The following ZNF649 variants were observed in gnomAD, a reference collection of about 807,000 sequenced individuals.
The protein encoded by ZNF649 is zinc finger protein 649.
A neutral mutation model predicts 14.1 loss-of-function variants in ZNF649; 7 were observed. The ratio of observed to expected loss-of-function variants is 0.49; its 90% CI spans 0.28 to 0.93. The LOEUF (loss-of-function observed/expected upper bound fraction) is 0.93, where lower values mean the gene tolerates loss of function less well. Among genes scored for constraint, ZNF649 ranks in the 40% least tolerant of loss-of-function variants. ZNF649 has a pLI of 0.10. For synonymous variants in ZNF649, 227 were observed against 212.3 expected (o/e 1.07, Z -0.60); for missense variants, 544 against 608.1 (o/e 0.89, Z 1.11).
chr19:51,891,107 C>T lies in ZNF649; in HGVS notation c.1029G>A (p.Glu343=). 1 of 1,614,178 alleles carries T rather than the reference C, an allele frequency of 6.2e-7. No homozygotes were observed. The highest frequency in any genetic ancestry group is 8.5e-7 in the Non-Finnish European group (1 of 1,180,008). The change falls in exon 5 of 5, where the codon GAG becomes GAA. Residue 343 remains glutamate (E), a synonymous_variant. Coordinates refer to ENST00000354957, the MANE Select transcript of ZNF649 (RefSeq NM_023074.4). This position sits in a 1 kb window ranked among gnomAD's most constrained non-coding sequence, Gnocchi z 4.2. The stretch of plus-strand genomic sequence containing the variant: ...CACAGTCAATGCATCCATAAGGTTT[C>T]TCTCCAGTGTGAGTTCGTTGATGTA... ...LNIHQRTHTG[E]KPYGCIDCGK...
rs531846107 is a variant in ZNF649, at chr19:51,894,454, G to A, written c.238+2018C>T. On this transcript the variant is annotated intron_variant, in intron 4 of 4. Transcript: ENST00000354957. ...CGGCCTTCAGGCTAATCTTCTGACA[G>A]TCCCCACATGGCCTTGCATTTCCAG... 1.7e-4 allele frequency among the ~76,000 whole-genome samples: 26 copies of A among 152,204 alleles called. No individual in the cohort carries two copies. The South Asian group carries it at 4.6e-3, about 27-fold the overall frequency.
intron 4 of ZNF649, among the ~76,000 whole-genome samples, chr19:51,893,239 G>T (rs2085036329): frequency 6.6e-6 from 1 of 152,142 alleles, no homozygotes; most frequent in Non-Finnish European, 1.5e-5. Context: ...ACTCCAAAAT[G>T]AAAGTGGATT....
In ZNF649 at chr19:51,890,479, A is replaced by T. The variant is rs914871728; in HGVS notation, c.*139T>A. 2.6e-5 allele frequency: 16 copies of T among 606,590 alleles called. No individual in the cohort carries two copies. Among genetic ancestry groups the T allele is most frequent in the Admixed American group, 6.2e-5 (2 of 32,476 alleles). 37.6% of individuals were successfully genotyped at this position (606,590 alleles called of 1,614,324 possible). A position where few individuals can be genotyped will look rare whatever the true frequency, so the allele number is the denominator to read the frequency against. On this transcript the variant is annotated 3_prime_UTR_variant, in exon 5 of 5. Coordinates refer to ENST00000354957, the MANE Select transcript of ZNF649 (RefSeq NM_023074.4). ...TATTGTGGGAGGGGTAGTGAGGTTT[A>T]TAAGATATAAAAAAGTAAAATATAT...
intron 1 of ZNF649, among the ~76,000 whole-genome samples, chr19:51,902,680 T>C (rs2085101245): frequency 1.3e-5 from 2 of 148,690 alleles, no homozygotes; most frequent in Admixed American, 6.6e-5. Context: ...ATCATCTGAA[T>C]CATCAGAATT....
chr19:51,896,418 G>T lies in ZNF649; in HGVS notation c.238+54C>A. ...CACAACTGTCATGCCTTCTCTAAATGACCAGAATGTGACTTCCGCTGCCTT... is the reference window on the plus strand; with the variant it reads ...CACAACTGTCATGCCTTCTCTAAATTACCAGAATGTGACTTCCGCTGCCTT... On this transcript the variant is annotated intron_variant, in intron 4 of 4. Coordinates refer to ENST00000354957, the MANE Select transcript of ZNF649 (RefSeq NM_023074.4). 4.0e-6 allele frequency: 6 copies of T among 1,507,338 alleles called. No individual in the cohort carries two copies. In the South Asian group the frequency reaches 5.6e-5, roughly 14 times the overall value. The allele number at this position is 1,507,338 out of a possible 1,614,324, so 93.4% of individuals were successfully genotyped here.
Position 51,890,947 on chromosome 19 carries a change from A to C in ZNF649, c.1189T>G (p.Ser397Ala). The C allele has an allele frequency of 1.9e-6, 3 of 1,611,754 alleles. No individual in the cohort carries two copies. In the South Asian group the frequency reaches 3.3e-5, roughly 18 times the overall value. Residue 397 changes from serine (S) to alanine (A), a missense_variant, in exon 5 of 5, where the codon TCA becomes GCA. Transcript: ENST00000354957. ...CTGCATTTATAGGGTTTCTCTCCTG[A>C]GTGAATTTTCTGATGTCTAATGAGT... ...SGLIRHQKIHSGEKPYKCSDC... is the reference protein window; with the variant it reads ...SGLIRHQKIHAGEKPYKCSDC...
At chr19:51,904,639 C>T (rs371731603) in intron 1 of ZNF649, among the ~76,000 whole-genome samples, 10 of 151,916 alleles carry the variant, frequency 6.6e-5, no homozygotes, top group Admixed American at 6.6e-4. Flanking sequence ...GGTGATAAAG[C>T]CGGCGTGCTG....
chr19:51,896,319 C>A, intron 4 of ZNF649, 153 bp downstream of exon 4: 1 of 621,722 alleles, frequency 1.6e-6, no homozygotes, highest in East Asian at 2.8e-5. Context: ...CTCTGAATTC[C>A]TATAAGAAAA....
At chr19:51,904,544 C>T (rs2085112432) in intron 1 of ZNF649, among the ~76,000 whole-genome samples, 1 of 152,154 alleles carries the variant, frequency 6.6e-6, no homozygotes. Context: ...CCAAAACCTA[C>T]ACCACACACC....
At position 51,889,819 on chromosome 19, in the gene ZNF649, G is replaced by C. The variant is rs1204827554; in HGVS notation, c.*799C>G. 6.6e-6 allele frequency: 1 copy of C among 152,178 alleles called. No homozygotes were observed. The highest frequency in any genetic ancestry group is 2.4e-5 in the African/African-American group (1 of 41,440). The allele number at this position is 152,178 out of a possible 1,614,324, so 9.4% of individuals were successfully genotyped here. ...ACTCTAAGGGAAAGCAGAAAAAGAAGAAAAGGAGAACAAAGAAGACATAGA... is the reference window on the plus strand; with the variant it reads ...ACTCTAAGGGAAAGCAGAAAAAGAACAAAAGGAGAACAAAGAAGACATAGA... On this transcript the variant is annotated 3_prime_UTR_variant, in exon 5 of 5. Transcript: ENST00000354957.
At chr19:51,898,544 A>AC (rs779946776) in intron 2 of ZNF649, among the ~76,000 whole-genome samples, 177 of 151,176 alleles carry the variant, frequency 1.2e-3, no homozygotes, top group Non-Finnish European at 2.2e-3. Flanking sequence ...CCCTTCCCCC[A>AC]CCCCCCACTT....
At chr19:51,902,519 T>C (rs1474438105) in intron 1 of ZNF649, among the ~76,000 whole-genome samples, 1 of 152,270 alleles carries the variant, frequency 6.6e-6, no homozygotes, top group African/African-American at 2.4e-5. Context: ...ACTCTTTTCC[T>C]GTCTAGAAAA....
At position 51,891,182 on chromosome 19, in the gene ZNF649, A is replaced by G. The variant is rs1211277148; in HGVS notation, c.954T>C (p.His318=). The stretch of plus-strand genomic sequence containing the variant: ...AGCCTTTTCCACATTCACTGCATGT[A>G]TGAGGCTTCTCTCCTGTATGAGTTC... ...HQRTHTGEKP[H]TCSECGKGFI... Residue 318 remains histidine (H), a synonymous_variant, in exon 5 of 5, where the codon CAT becomes CAC. Transcript: ENST00000354957. This position sits in a 1 kb window ranked among gnomAD's most constrained non-coding sequence, Gnocchi z 4.2. The G allele has an allele frequency of 1.2e-6, 2 of 1,614,234 alleles. No homozygotes were observed. Among genetic ancestry groups the G allele is most frequent in the Non-Finnish European group, 1.7e-6 (2 of 1,180,046 alleles).
rs200449523 is a variant in ZNF649 at position 51,899,778 on chromosome 19, G to A, written c.15+315C>T. 30 of 297,632 alleles carry A rather than the reference G, an allele frequency of 1.0e-4. No homozygotes were observed. In the East Asian group the frequency reaches 1.7e-3, roughly 16 times the overall value. The allele number at this position is 297,632 out of a possible 1,614,324, so 18.4% of individuals were successfully genotyped here. ...CGGACCCGCTTTCTCCTCAGAATCA[G>A]TGCACATCATGTAACTTACCATGAT... On this transcript the variant is annotated intron_variant, in intron 2 of 4. Transcript: ENST00000354957.
chr19:51,891,855 T>G lies in ZNF649; in HGVS notation c.281A>C (p.Asn94Thr). Reference sequence around the variant, plus strand: ...TCCCGTCCTCTTCAGTATTTTTTGGTTTTGCAAGGGCTGCTGCAGATGATC... The same window carrying G: ...TCCCGTCCTCTTCAGTATTTTTTGGGTTTGCAAGGGCTGCTGCAGATGATC... ...ADDHLQQPLQ[N>T]QKILKRTGQR... The change falls in exon 5 of 5, where the codon AAC becomes ACC. Residue 94 changes from asparagine (N) to threonine (T), a missense_variant. By Grantham distance (65) the Asn-to-Thr change is moderately conservative. Coordinates refer to ENST00000354957, the MANE Select transcript of ZNF649 (RefSeq NM_023074.4). This position sits in a 1 kb window ranked among gnomAD's most constrained non-coding sequence, Gnocchi z 4.2. 1.9e-6 allele frequency: 3 copies of G among 1,582,500 alleles called. No homozygotes were observed. The highest frequency in any genetic ancestry group is 2.6e-6 in the Non-Finnish European group (3 of 1,171,148).
intron 4 of ZNF649, among the ~76,000 whole-genome samples, chr19:51,892,369 C>T (rs1157607506): frequency 7.0e-6 from 1 of 142,048 alleles, no homozygotes; most frequent in Non-Finnish European, 1.5e-5. Context: ...AGCAAGACTC[C>T]ATCTCAAAAA....
chr19:51,897,914 G>A (rs1341079153), intron 2 of ZNF649, among the ~76,000 whole-genome samples: 2 of 151,998 alleles, frequency 1.3e-5, no homozygotes, highest in African/African-American at 4.8e-5. Flanking sequence ...CCGAGGTCAG[G>A]AGTTTGAGAC....
rs202194096 is a variant in ZNF649 at position 51,893,381 on chromosome 19, C to CA, written c.239-1485dup. On this transcript the variant is annotated intron_variant, in intron 4 of 4. Transcript: ENST00000354957. Reference sequence around the variant, plus strand: ...AGAAGGCAAAAAGCCTCCTGCAAGGCAAAAAAAAAAAAGTTTCCCCTCTTC... The same window carrying CA: ...AGAAGGCAAAAAGCCTCCTGCAAGGCAAAAAAAAAAAAAGTTTCCCCTCTTC... 5.0e-3 allele frequency among the ~76,000 whole-genome samples: 688 copies of CA among 137,088 alleles called. 4 individuals are homozygous for CA. Among genetic ancestry groups the CA allele is most frequent in the African/African-American group, 0.017 (607 of 34,986 alleles). The allele number at this position is 137,088 out of a possible 152,430, so 89.9% of individuals were successfully genotyped here. A position where few individuals can be genotyped will look rare whatever the true frequency, so the allele number is the denominator to read the frequency against.
At chr19:51,901,910 C>T (rs1416467609) in intron 1 of ZNF649, among the ~76,000 whole-genome samples, 1 of 143,038 alleles carries the variant, frequency 7.0e-6, no homozygotes, top group Non-Finnish European at 1.5e-5. Context: ...AGGATGGTGC[C>T]ACTGCACTGC....
Sources: allele counts gnomAD v4.1 joint callset (sites outside exome capture counted in the v4.1 genomes callset), GRCh38; gene constraint gnomAD v4.1.1; non-coding constraint Gnocchi (gnomAD v3.1); transcripts MANE v1.5; gene names NCBI Gene and HGNC (gene_info 2026-07-23, HGNC 2026-07-21).